The following THSD7B variants were observed in gnomAD, a reference collection of about 807,000 sequenced individuals.
The protein encoded by THSD7B is thrombospondin type-1 domain-containing protein 7B.
A neutral mutation model predicts 213.6 loss-of-function variants in THSD7B; 138 were observed. That is an observed-to-expected ratio of 0.65 (90% CI 0.56 to 0.74). THSD7B has a LOEUF of 0.74. Among genes scored for constraint, THSD7B ranks in the 30% least tolerant of loss-of-function variants. The pLI, the probability that THSD7B is intolerant of heterozygous loss-of-function variation, is 0.00. For missense variants in THSD7B, 1,931 were observed against 1,991.5 expected (o/e 0.97, Z 0.58); for synonymous variants, 742 against 687.0 (o/e 1.08, Z -1.25).
chr2:137,037,279 T>C (rs1457585885), intron 2 of THSD7B, among the ~76,000 whole-genome samples: 2 of 152,148 alleles, frequency 1.3e-5, no homozygotes, highest in Non-Finnish European at 2.9e-5. Flanking sequence ...AATAGTACTA[T>C]TCCAACTCTG....
At chr2:136,949,254 C>T (rs1684993566) in intron 2 of THSD7B, among the ~76,000 whole-genome samples, 1 of 152,140 alleles carries the variant, frequency 6.6e-6, no homozygotes, top group Admixed American at 6.5e-5. Context: ...CTTGCTTTCA[C>T]CACAAAATGT....
intron 5 of THSD7B, among the ~76,000 whole-genome samples, chr2:137,150,556 C>T (rs754640191): frequency 5.3e-5 from 8 of 152,116 alleles, no homozygotes; most frequent in Non-Finnish European, 1.0e-4. Context: ...GTGTTTTCTT[C>T]CCCTTCTTCC....
In THSD7B at chr2:137,655,628, T is replaced by G; in HGVS notation, c.4073T>G (p.Ile1358Ser). ...LCGEMPFQDS[I>S]LKQLCSVPCP... ...GGAGAAATGCCCTTTCAGGACAGCA[T>G]CCTGAAGCAGCTGTGTTCTGTGCCT... Residue 1358 changes from isoleucine (I) to serine (S), a missense_variant, in exon 22 of 28, where the codon ATC becomes AGC. Ile to Ser is a moderately radical substitution (Grantham distance 142). Coordinates refer to ENST00000409968, the MANE Select transcript of THSD7B (RefSeq NM_001316349.2). 1 of 1,613,292 alleles carries G rather than the reference T, an allele frequency of 6.2e-7. No homozygotes were observed. The highest frequency in any genetic ancestry group is 1.1e-5 in the South Asian group (1 of 90,852).
At chr2:137,195,657 A>T (rs1680746257) in intron 7 of THSD7B, among the ~76,000 whole-genome samples, 1 of 152,164 alleles carries the variant, frequency 6.6e-6, no homozygotes, top group Non-Finnish European at 1.5e-5. Context: ...TAAATGCATG[A>T]ATAAATAGAT....
intron 9 of THSD7B, among the ~76,000 whole-genome samples, chr2:137,233,376 A>G (rs751746823): frequency 7.2e-5 from 11 of 152,206 alleles, no homozygotes; most frequent in Non-Finnish European, 1.5e-4. Context: ...AAAAATGAAT[A>G]GTGTCCACAA....
chr2:137,588,760 C>CTTTATTTATTTATTTA (rs137892635), intron 17 of THSD7B, among the ~76,000 whole-genome samples: 1 of 146,998 alleles, frequency 6.8e-6, no homozygotes, highest in African/African-American at 2.5e-5. Context: ...TCATGTTGTC[C>CTTTATTTATTTATTTA]TTTATTTATT....
chr2:137,142,865 C>T (rs1679617640), intron 5 of THSD7B, among the ~76,000 whole-genome samples: 2 of 152,056 alleles, frequency 1.3e-5, no homozygotes, highest in African/African-American at 4.8e-5. Flanking sequence ...ATATTTGATT[C>T]TTAATGGCTG....
At chr2:137,622,845 C>T (rs1682546103) in intron 20 of THSD7B, among the ~76,000 whole-genome samples, 1 of 152,076 alleles carries the variant, frequency 6.6e-6, no homozygotes, top group African/African-American at 2.4e-5. Flanking sequence ...TAATAGACTA[C>T]CAACCAAAAA....
At chr2:136,966,129 G>A (rs895256335) in intron 2 of THSD7B, among the ~76,000 whole-genome samples, 17 of 152,086 alleles carry the variant, frequency 1.1e-4, no homozygotes, top group Admixed American at 1.1e-3. Context: ...TCTCACAGTG[G>A]TCTCAGGGAT....
chr2:136,893,874 T>G (rs2105004531), intron 2 of THSD7B, among the ~76,000 whole-genome samples: 1 of 152,324 alleles, frequency 6.6e-6, no homozygotes, highest in African/African-American at 2.4e-5. Flanking sequence ...TACCTTATTC[T>G]AATAATAGGT....
chr2:136,932,614 C>T (rs1300989086), intron 2 of THSD7B, among the ~76,000 whole-genome samples: 1 of 151,988 alleles, frequency 6.6e-6, no homozygotes, highest in Non-Finnish European at 1.5e-5. Context: ...GAGAAAATCA[C>T]AAGGAAGAGA....
intron 12 of THSD7B, among the ~76,000 whole-genome samples, chr2:137,366,832 CTA>C (rs1478548504): frequency 6.6e-6 from 1 of 151,474 alleles, no homozygotes; most frequent in Non-Finnish European, 1.5e-5. Flanking sequence ...ATTTCTATAA[CTA>C]TGTTTTCTCT....
intron 12 of THSD7B, among the ~76,000 whole-genome samples, chr2:137,317,499 A>G (rs1684144533): frequency 1.3e-5 from 2 of 152,226 alleles, no homozygotes; most frequent in South Asian, 2.1e-4. Context: ...GAGCATTCTA[A>G]TCAAATTATC....
intron 20 of THSD7B, among the ~76,000 whole-genome samples, chr2:137,638,730 T>C (rs994919384): frequency 6.6e-6 from 1 of 152,164 alleles, no homozygotes; most frequent in Non-Finnish European, 1.5e-5. Flanking sequence ...GCTGAGGTGG[T>C]CTCAGATGGA....
chr2:137,088,941 G>A (rs1687893591), intron 3 of THSD7B, among the ~76,000 whole-genome samples: 1 of 152,018 alleles, frequency 6.6e-6, no homozygotes, highest in Non-Finnish European at 1.5e-5. Context: ...ACTCCTACAA[G>A]AATGGCTGTA....
At chr2:137,673,405 G>A (rs1530528) in intron 27 of THSD7B, among the ~76,000 whole-genome samples, 99,797 of 152,074 alleles carry the variant, frequency 0.66, 33,281 homozygotes, top group South Asian at 0.75. Flanking sequence ...CAACAGGAGA[G>A]AATAGAGTGA....
chr2:137,377,958 C>G (rs1685697070), intron 12 of THSD7B, among the ~76,000 whole-genome samples: 1 of 152,136 alleles, frequency 6.6e-6, no homozygotes, highest in African/African-American at 2.4e-5. Context: ...TATTTGATGA[C>G]TTTTAGTGTA....
At chr2:137,163,141 A>AT (rs377636808) in intron 6 of THSD7B, among the ~76,000 whole-genome samples, 1 of 152,144 alleles carries the variant, frequency 6.6e-6, no homozygotes, top group East Asian at 1.9e-4. Flanking sequence ...GCCAAGTAAC[A>AT]TTTTTTGCCA....
intron 12 of THSD7B, among the ~76,000 whole-genome samples, chr2:137,328,477 C>CAA (rs1684421466): frequency 6.6e-6 from 1 of 152,156 alleles, no homozygotes; most frequent in South Asian, 2.1e-4. Context: ...GACAAACCTA[C>CAA]AAAAACATTT....
Sources: gnomAD v4.1 joint callset for allele counts (sites outside exome capture counted in the v4.1 genomes callset) on GRCh38, gnomAD v4.1.1 for gene constraint, MANE v1.5 for transcripts, NCBI Gene and HGNC (gene_info 2026-07-23, HGNC 2026-07-21) for gene names.